Variants in GRAMD1B observed in about 807,000 individuals in gnomAD.
GRAMD1B encodes protein Aster-B.
GRAMD1B carries 37 observed loss-of-function variants against 99.7 expected under a neutral mutation model. That is an observed-to-expected ratio of 0.37 (90% confidence interval 0.29 to 0.49). GRAMD1B has a LOEUF of 0.49. GRAMD1B is among the 20% of genes least tolerant of loss of function. GRAMD1B has a pLI of 0.98. For missense variants in GRAMD1B, 888 were observed against 1,009.2 expected, an observed-to-expected ratio of 0.88 and a Z score of 1.63; for synonymous variants, 427 against 387.6, an observed-to-expected ratio of 1.10 and a Z score of -1.19.
intron 4 of GRAMD1B, among the ~76,000 whole-genome samples, chr11:123,584,661 C>T (rs1949885062): frequency 6.6e-6 from 1 of 152,128 alleles, no homozygotes; most frequent in South Asian, 2.1e-4. Context: ...AATTCTGGTG[C>T]TGGGGCAGCC....
chr11:123,468,516 AG>A (rs1184952206), intron 1 of GRAMD1B, among the ~76,000 whole-genome samples: 1 of 152,144 alleles, frequency 6.6e-6, no homozygotes, highest in Admixed American at 6.5e-5. Flanking sequence ...AGTGCAGGCC[AG>A]GTGCGGTAGC....
intron 19 of GRAMD1B, among the ~76,000 whole-genome samples, chr11:123,622,260 T>G (rs999815481): frequency 5.9e-5 from 9 of 152,178 alleles, no homozygotes; most frequent in African/African-American, 2.2e-4. Flanking sequence ...TGGCCTCAAG[T>G]GATCCTCCCA....
intron 2 of GRAMD1B, 146 bp from the exon 3 acceptor site, chr11:123,577,221 C>G: frequency 1.4e-6 from 1 of 694,734 alleles, no homozygotes; most frequent in Admixed American, 2.3e-5. Flanking sequence ...GCAGCCTGGG[C>G]CCCTCTCTCC....
intron 2 of GRAMD1B, among the ~76,000 whole-genome samples, chr11:123,550,878 G>T (rs980985903): frequency 1.3e-5 from 2 of 152,168 alleles, no homozygotes; most frequent in East Asian, 3.9e-4. Flanking sequence ...AATTCCCTGA[G>T]CCTCAGTTTG....
intron 2 of GRAMD1B, among the ~76,000 whole-genome samples, chr11:123,564,030 G>T (rs774647399): frequency 6.6e-6 from 1 of 152,186 alleles, no homozygotes; most frequent in Non-Finnish European, 1.5e-5. Context: ...GAATCCCAGC[G>T]GTCAGGCAGC....
chr11:123,563,500 T>A (rs1277215146), intron 2 of GRAMD1B, among the ~76,000 whole-genome samples: 1 of 150,652 alleles, frequency 6.6e-6, no homozygotes, highest in Non-Finnish European at 1.5e-5. Flanking sequence ...TAACAGAGGG[T>A]TTTTTCTTTT....
chr11:123,613,509 C>G lies in GRAMD1B; in HGVS notation c.2078C>G (p.Ser693Cys), dbSNP rs758997685. Reference sequence around the variant, plus strand: ...TATTTGGCTGAGATGCACAGACAATCTCCCAAAGAGAAGGCCAGCAAGACT... The same window carrying G: ...TATTTGGCTGAGATGCACAGACAATGTCCCAAAGAGAAGGCCAGCAAGACT... ...STYLAEMHRQ[S>C]PKEKASKTTT... The change falls in exon 16 of 20, where the codon TCT (serine) becomes TGT (cysteine). Residue 693 changes from serine to cysteine, a missense_variant. Around this residue, in one of 5 missense-constraint regions of GRAMD1B, gnomAD observed 232 missense variants for 261.7 expected, o/e 0.89. Coordinates refer to ENST00000635736, the MANE Select transcript of GRAMD1B (RefSeq NM_001387025.1). 3 of 1,613,356 alleles carry G rather than the reference C, an allele frequency of 1.9e-6. No homozygotes were observed. Among genetic ancestry groups the G allele is most frequent in the Non-Finnish European group, 1.7e-6 (2 of 1,179,664 alleles).
At chr11:123,462,956 C>T (rs896311595) in intron 1 of GRAMD1B, among the ~76,000 whole-genome samples, 19 of 149,606 alleles carry the variant, frequency 1.3e-4, no homozygotes, top group African/African-American at 4.4e-4. Context: ...TGCTCATAGA[C>T]GTGCCATGTA....
Position 123,520,760 on chromosome 11 carries a change from CAG to C in GRAMD1B, c.452+39870_452+39871del, listed in dbSNP as rs556265312. ...TGCTACTGCACTCCAGCCTGGGCAA[CAG>C]AGTGAGACCCTGTCAAAAAAAAAAA... On this transcript the variant is annotated intron_variant, in intron 2 of 19. Transcript: ENST00000635736. Among the ~76,000 whole-genome samples the C allele has an allele frequency of 5.2e-4, 54 of 103,024 alleles. No individual in the cohort carries two copies. The East Asian group carries it at 0.014, about 27-fold the overall frequency. 67.6% of individuals were successfully genotyped at this position (103,024 alleles called of 152,430 possible).
chr11:123,502,774 CAAAA>C (rs34321315), intron 2 of GRAMD1B, among the ~76,000 whole-genome samples: 1 of 98,522 alleles, frequency 1.0e-5, no homozygotes, highest in Non-Finnish European at 2.0e-5. Context: ...GACTCCATCT[CAAAA>C]AAAAAAAAAA....
At chr11:123,386,151 T>A (rs1024710592) in intron 1 of GRAMD1B, among the ~76,000 whole-genome samples, 20 of 152,308 alleles carry the variant, frequency 1.3e-4, no homozygotes, top group Middle Eastern at 3.4e-3. Flanking sequence ...TCAAGTGAGA[T>A]TCTAATATCA....
At chr11:123,595,820 C>T (rs1951205956) in intron 6 of GRAMD1B, 122 bp from the exon 7 acceptor site, 2 of 592,108 alleles carry the variant, frequency 3.4e-6, no homozygotes, top group Admixed American at 3.2e-5. Flanking sequence ...CGGCCTCTTC[C>T]AGGGTTATAA....
At chr11:123,452,586 C>G (rs111371580) in intron 1 of GRAMD1B, among the ~76,000 whole-genome samples, 1 of 151,806 alleles carries the variant, frequency 6.6e-6, no homozygotes, top group Admixed American at 6.6e-5. Context: ...GTGGAGGTTG[C>G]GGTGAGCCAA....
chr11:123,403,019 G>A (rs962768299), intron 1 of GRAMD1B, among the ~76,000 whole-genome samples: 2 of 151,252 alleles, frequency 1.3e-5, no homozygotes, highest in African/African-American at 4.9e-5. Context: ...ATACGGGAAA[G>A]AGTACACATG....
chr11:123,484,650 G>A (rs1738362003), intron 2 of GRAMD1B, among the ~76,000 whole-genome samples: 1 of 152,066 alleles, frequency 6.6e-6, no homozygotes, highest in African/African-American at 2.4e-5. Context: ...TTCCTCTGGT[G>A]GTCCCTGTGA....
At chr11:123,458,545 C>G (rs1425372988) in intron 1 of GRAMD1B, 2 of 152,158 alleles carry the variant, frequency 1.3e-5, no homozygotes, top group Non-Finnish European at 2.9e-5. Context: ...TCCAGTCAAA[C>G]TGACACCTAA....
At chr11:123,448,004 C>G (rs967209475) in intron 1 of GRAMD1B, among the ~76,000 whole-genome samples, 4 of 151,556 alleles carry the variant, frequency 2.6e-5, no homozygotes, top group African/African-American at 9.7e-5. Flanking sequence ...AAGATTCCGA[C>G]TCCAGGTTTC....
intron 2 of GRAMD1B, among the ~76,000 whole-genome samples, chr11:123,511,414 G>T (rs905054943): frequency 6.6e-6 from 1 of 152,098 alleles, no homozygotes; most frequent in African/African-American, 2.4e-5. Context: ...AAACTCTGTG[G>T]GCACGCTAGA....
intron 1 of GRAMD1B, among the ~76,000 whole-genome samples, chr11:123,437,778 AT>A (rs1949228497): frequency 6.6e-6 from 1 of 152,140 alleles, no homozygotes; most frequent in South Asian, 2.1e-4. Flanking sequence ...GCATTGGTAT[AT>A]TTATCTTGAT....
Sources: gnomAD v4.1 joint callset for allele counts (sites outside exome capture counted in the v4.1 genomes callset) on GRCh38, gnomAD v4.1.1 for gene constraint, gnomAD v4.1.1 regional missense constraint, MANE v1.5 for transcripts, NCBI Gene and HGNC (gene_info 2026-07-23, HGNC 2026-07-21) for gene names.